WDR7: variants seen among roughly 807,000 people sequenced by gnomAD.
The protein encoded by WDR7 is WD repeat-containing protein 7.
WDR7 carries 46 observed loss-of-function variants against 169.4 expected under a neutral mutation model. The observed-to-expected ratio is 0.27, with a 90% CI of 0.21 to 0.35. WDR7 has a LOEUF of 0.35. Among genes scored for constraint, WDR7 ranks in the 10% least tolerant of loss-of-function variants. The pLI, the probability that WDR7 is intolerant of heterozygous loss-of-function variation, is 1.00. For synonymous variants in WDR7, 612 were observed against 666.8 expected, an observed-to-expected ratio of 0.92 and a Z score of 1.27; for missense variants, 1,534 against 1,859.3, an observed-to-expected ratio of 0.83 and a Z score of 3.22.
At chr18:56,993,719 G>A (rs1354349158) in intron 26 of WDR7, among the ~76,000 whole-genome samples, 1 of 152,146 alleles carries the variant, frequency 6.6e-6, no homozygotes, top group East Asian at 1.9e-4. Context: ...GCGGGAGGGA[G>A]ATGAGTGTGT....
chr18:56,838,335 G>A (rs1245068653), intron 20 of WDR7, among the ~76,000 whole-genome samples: 1 of 152,052 alleles, frequency 6.6e-6, no homozygotes, highest in African/African-American at 2.4e-5. Flanking sequence ...TGTATTCTTT[G>A]CTGTTTATTG....
intron 19 of WDR7, among the ~76,000 whole-genome samples, chr18:56,809,213 G>A (rs1432460864): frequency 2.0e-5 from 3 of 152,176 alleles, no homozygotes; most frequent in Admixed American, 1.3e-4. Flanking sequence ...CCTGCCTCAT[G>A]TCTTTCTGTT....
intron 2 of WDR7, among the ~76,000 whole-genome samples, chr18:56,676,377 T>C (rs1410407806): frequency 2.0e-5 from 3 of 152,246 alleles, no homozygotes; most frequent in Non-Finnish European, 4.4e-5. Context: ...AGTGTTATTA[T>C]TGATAAGTCC....
chr18:56,838,280 A>G (rs1004578412), intron 20 of WDR7, among the ~76,000 whole-genome samples: 4 of 152,026 alleles, frequency 2.6e-5, no homozygotes, highest in African/African-American at 7.2e-5. Flanking sequence ...GTTCTTAGAC[A>G]TTTTATGCTA....
chr18:57,036,510 A>G, the WDR7 span: 2 of 152,392 alleles, frequency 1.3e-5, no homozygotes, highest in Non-Finnish European at 2.9e-5. Context: ...CTCTGTTGCA[A>G]CCACATCACA....
intron 20 of WDR7, among the ~76,000 whole-genome samples, chr18:56,827,183 AGACAGACTGTAAG>A (rs1320720215): frequency 6.6e-6 from 1 of 152,232 alleles, no homozygotes; most frequent in Non-Finnish European, 1.5e-5. Context: ...TGCCCAGAGC[AGACAGACTGTAAG>A]GACAGCTTCC....
chr18:57,013,570 G>A (rs558728823), intron 26 of WDR7, among the ~76,000 whole-genome samples: 3 of 152,240 alleles, frequency 2.0e-5, no homozygotes, highest in African/African-American at 7.2e-5. Context: ...TGTAAGTGTT[G>A]AGAATTAGTA....
intron 26 of WDR7, among the ~76,000 whole-genome samples, chr18:56,975,387 G>C (rs1020132900): frequency 6.6e-6 from 1 of 152,112 alleles, no homozygotes; most frequent in Non-Finnish European, 1.5e-5. Flanking sequence ...GGGACTGTAA[G>C]GTTTTTGTTT....
intron 26 of WDR7, among the ~76,000 whole-genome samples, chr18:56,979,771 C>A (rs551443537): frequency 0.059 from 8,955 of 152,212 alleles, 848 homozygotes; most frequent in African/African-American, 0.2. Flanking sequence ...TATTATGAGG[C>A]ATTATTACTA....
chr18:56,691,284 G>C lies in WDR7; in HGVS notation c.786G>C (p.Gly262=). The C allele has an allele frequency of 6.2e-7, 1 of 1,608,692 alleles. No individual in the cohort carries two copies. Among genetic ancestry groups the C allele is most frequent in the Non-Finnish European group, 8.5e-7 (1 of 1,178,890 alleles). The change falls in exon 8 of 28, where the codon GGG becomes GGC. Residue 262 remains glycine, a synonymous_variant. Coordinates refer to ENST00000254442, the MANE Select transcript of WDR7 (RefSeq NM_015285.3). Reference sequence around the variant, plus strand: ...GTGAAAATGGACAGACATGGACCGGGGGGGACTTTGTCTCATCAGATAAAG... The same window carrying C: ...GTGAAAATGGACAGACATGGACCGGCGGGGACTTTGTCTCATCAGATAAAG... ...GPSENGQTWT[G]GDFVSSDKVI... is the part of the protein sequence containing the mutation.
At chr18:56,985,050 A>G (rs1266256405) in intron 26 of WDR7, among the ~76,000 whole-genome samples, 1 of 152,146 alleles carries the variant, frequency 6.6e-6, no homozygotes, top group East Asian at 1.9e-4. Context: ...AATAAAACAT[A>G]CTATCTTATT....
chr18:56,741,829 G>A (rs2043625702), intron 14 of WDR7, among the ~76,000 whole-genome samples: 1 of 152,094 alleles, frequency 6.6e-6, no homozygotes, highest in South Asian at 2.1e-4. Flanking sequence ...CAGGATTTTT[G>A]GCTCTTTTCC....
chr18:57,017,847 A>T (rs1270125685), intron 26 of WDR7, among the ~76,000 whole-genome samples: 1 of 152,220 alleles, frequency 6.6e-6, no homozygotes, highest in Non-Finnish European at 1.5e-5. Context: ...TTTGAGAGAC[A>T]CTTAAATAAC....
At chr18:56,854,669 G>A (rs985588186) in intron 20 of WDR7, among the ~76,000 whole-genome samples, 9 of 152,122 alleles carry the variant, frequency 5.9e-5, no homozygotes, top group South Asian at 2.1e-4. Flanking sequence ...TCTATGTAGC[G>A]TTTTTTCCTC....
intron 21 of WDR7, among the ~76,000 whole-genome samples, chr18:56,894,161 G>A (rs1192391879): frequency 6.6e-6 from 1 of 152,066 alleles, no homozygotes; most frequent in African/African-American, 2.4e-5. Context: ...GTTAGCATCA[G>A]GGTTGCCTAC....
chr18:57,022,528 G>A (rs1351810220), intron 27 of WDR7, among the ~76,000 whole-genome samples: 2 of 152,122 alleles, frequency 1.3e-5, no homozygotes, highest in Non-Finnish European at 2.9e-5. Flanking sequence ...TTTCTGCTAA[G>A]AAAACATAAT....
At chr18:56,674,318 C>G (rs1283820403) in intron 2 of WDR7, among the ~76,000 whole-genome samples, 1 of 152,086 alleles carries the variant, frequency 6.6e-6, no homozygotes, top group Non-Finnish European at 1.5e-5. Flanking sequence ...CTTTTTGATT[C>G]TAGCCCGAAT....
At chr18:56,922,976 C>G (rs2046747789) in intron 21 of WDR7, among the ~76,000 whole-genome samples, 1 of 152,124 alleles carries the variant, frequency 6.6e-6, no homozygotes, top group Non-Finnish European at 1.5e-5. Flanking sequence ...TCAGTGAGTA[C>G]CTTCCTAGGC....
At chr18:56,782,912 G>A (rs1161182750) in intron 19 of WDR7, among the ~76,000 whole-genome samples, 1 of 152,150 alleles carries the variant, frequency 6.6e-6, no homozygotes, top group Non-Finnish European at 1.5e-5. Flanking sequence ...GGGTTATTAT[G>A]TGTGTGGCAT....
Sources: gnomAD v4.1 joint callset for allele counts (sites outside exome capture counted in the v4.1 genomes callset) on GRCh38, gnomAD v4.1.1 for gene constraint, MANE v1.5 for transcripts, NCBI Gene and HGNC (gene_info 2026-07-23, HGNC 2026-07-21) for gene names.